MAGI2: variants seen among roughly 807,000 people sequenced by gnomAD.
MAGI2 encodes membrane associated guanylate kinase, WW and PDZ domain containing 2.
MAGI2 carries 35 observed loss-of-function variants against 133.3 expected under a neutral mutation model. The observed-to-expected ratio is 0.26, with a 90% CI of 0.20 to 0.35. MAGI2 has a LOEUF of 0.35. Ranked by LOEUF, MAGI2 falls within the 10% of genes least tolerant of loss-of-function variation. MAGI2 has a pLI of 1.00. For missense variants in MAGI2, 1,636 were observed against 1,863.4 expected, an observed-to-expected ratio of 0.88 and a Z score of 2.25; for synonymous variants, 729 against 710.6, an observed-to-expected ratio of 1.03 and a Z score of -0.41.
At chr7:78,393,225 C>G (rs1796057904) in intron 6 of MAGI2, among the ~76,000 whole-genome samples, 1 of 152,166 alleles carries the variant, frequency 6.6e-6, no homozygotes, top group Non-Finnish European at 1.5e-5. Flanking sequence ...TACTTGACTT[C>G]TCTGGAAACA....
intron 14 of MAGI2, among the ~76,000 whole-genome samples, chr7:78,176,372 G>A (rs1826605592): frequency 6.6e-6 from 1 of 152,084 alleles, no homozygotes; most frequent in Non-Finnish European, 1.5e-5. Flanking sequence ...TTCATCCCCA[G>A]GAATTCGGAA....
At chr7:79,415,515 A>G (rs973497803) in intron 1 of MAGI2, 1 of 152,270 alleles carries the variant, frequency 6.6e-6, no homozygotes, top group African/African-American at 2.4e-5. Context: ...CCTTAGAATG[A>G]TAAGAAAGTC....
chr7:79,256,284 C>G (rs1195479351), intron 1 of MAGI2, among the ~76,000 whole-genome samples: 1 of 152,058 alleles, frequency 6.6e-6, no homozygotes, highest in Non-Finnish European at 1.5e-5. Flanking sequence ...CAAATTGTTA[C>G]TTTTAGAAAC....
intron 2 of MAGI2, among the ~76,000 whole-genome samples, chr7:78,761,787 G>A (rs1242371480): frequency 6.6e-6 from 1 of 151,952 alleles, no homozygotes; most frequent in Admixed American, 6.6e-5. Flanking sequence ...GTAGGTTGAG[G>A]CCCGAAATTC....
intron 21 of MAGI2, among the ~76,000 whole-genome samples, chr7:78,041,042 C>A (rs1218661571): frequency 6.6e-6 from 1 of 152,150 alleles, no homozygotes; most frequent in Non-Finnish European, 1.5e-5. Context: ...CTAACTCAGG[C>A]TCCTTTAGTA....
rs547202107 is a variant in MAGI2, at chr7:78,271,144, C to T, written c.1409-14563G>A. Among the ~76,000 whole-genome samples, 4 of 152,202 alleles carry T rather than the reference C, an allele frequency of 2.6e-5. No individual in the cohort carries two copies. The East Asian group carries it at 7.7e-4, about 29-fold the overall frequency. ...CTTATTATTTTGAGATATGTTCCAT[C>T]AATACCTAGTTTATTGAGAGTTTTT... On this transcript the variant is annotated intron_variant, in intron 9 of 21. Transcript: ENST00000354212.
chr7:79,079,543 G>C (rs1311005577), intron 1 of MAGI2, among the ~76,000 whole-genome samples: 1 of 152,032 alleles, frequency 6.6e-6, no homozygotes, highest in Non-Finnish European at 1.5e-5. Flanking sequence ...GTGCTTTCAG[G>C]CTCTAATAGA....
chr7:79,102,396 A>C (rs1449985739), intron 1 of MAGI2, among the ~76,000 whole-genome samples: 1 of 152,202 alleles, frequency 6.6e-6, no homozygotes, highest in South Asian at 2.1e-4. Context: ...AGCAAATTCT[A>C]GATCTTTTAT....
At chr7:78,474,853 T>C (rs7794954) in intron 6 of MAGI2, among the ~76,000 whole-genome samples, 44,540 of 151,464 alleles carry the variant, frequency 0.29, 7,586 homozygotes, top group African/African-American at 0.47. Flanking sequence ...AAACGTGCTC[T>C]CACAAACATA....
chr7:79,177,760 G>C lies in MAGI2; in HGVS notation c.302-170554C>G, dbSNP rs932587938. 7.9e-5 allele frequency among the ~76,000 whole-genome samples: 12 copies of C among 152,162 alleles called. No homozygotes were observed. In the East Asian group the frequency reaches 2.3e-3, roughly 29 times the overall value. On this transcript the variant is annotated intron_variant, in intron 1 of 21. Transcript: ENST00000354212. ...TCTTCCCAAATATTATAAGGTGTCT[G>C]ATTTTGTAGAGCCTACAATTTTGTT...
At chr7:78,329,506 C>T (rs798313) in intron 9 of MAGI2, among the ~76,000 whole-genome samples, 110,883 of 152,156 alleles carry the variant, frequency 0.73, 40,602 homozygotes, top group East Asian at 0.81. Flanking sequence ...AACTTTTCAC[C>T]GAGCACTTGC....
intron 3 of MAGI2, among the ~76,000 whole-genome samples, chr7:78,557,597 T>C (rs17151015): frequency 0.017 from 2,586 of 152,200 alleles, 39 homozygotes; most frequent in African/African-American, 0.049. Flanking sequence ...CCTGACCCAC[T>C]ACTATGAAAC....
chr7:79,270,445 AT>A (rs1267797161), intron 1 of MAGI2, among the ~76,000 whole-genome samples: 1 of 152,148 alleles, frequency 6.6e-6, no homozygotes. Flanking sequence ...GAATGGTACT[AT>A]TGGCTAAGAT....
chr7:78,895,897 T>C (rs1797177217), intron 2 of MAGI2, among the ~76,000 whole-genome samples: 1 of 152,200 alleles, frequency 6.6e-6, no homozygotes, highest in East Asian at 1.9e-4. Flanking sequence ...TTCTAAAATA[T>C]ATACGCATGA....
At chr7:79,130,648 T>C (rs1028448019) in intron 1 of MAGI2, among the ~76,000 whole-genome samples, 17 of 152,332 alleles carry the variant, frequency 1.1e-4, no homozygotes, top group South Asian at 8.3e-4. Flanking sequence ...CCCTACATCA[T>C]TGAATTGTGG....
chr7:78,582,858 C>A (rs991878668), intron 3 of MAGI2, among the ~76,000 whole-genome samples: 2 of 152,148 alleles, frequency 1.3e-5, no homozygotes, highest in Non-Finnish European at 2.9e-5. Flanking sequence ...TTTAGAAAGA[C>A]CTATGTTTCC....
intron 3 of MAGI2, among the ~76,000 whole-genome samples, chr7:78,603,770 C>T (rs1241855446): frequency 1.3e-5 from 2 of 152,140 alleles, no homozygotes; most frequent in Non-Finnish European, 2.9e-5. Context: ...ATTTATCCGC[C>T]TCAGCCTCCC....
intron 1 of MAGI2, among the ~76,000 whole-genome samples, chr7:79,016,251 G>A (rs1808714179): frequency 6.6e-6 from 1 of 152,048 alleles, no homozygotes; most frequent in African/African-American, 2.4e-5. Context: ...GGAAACTTAA[G>A]GCCTAAGAAA....
chr7:78,282,250 C>G (rs1198022745), intron 9 of MAGI2, among the ~76,000 whole-genome samples: 3 of 152,044 alleles, frequency 2.0e-5, no homozygotes, highest in Non-Finnish European at 4.4e-5. Context: ...TTTCCCTGTC[C>G]TGGTTCTTCT....
Sources: gnomAD v4.1 joint callset for allele counts (sites outside exome capture counted in the v4.1 genomes callset) on GRCh38, gnomAD v4.1.1 for gene constraint, MANE v1.5 for transcripts, NCBI Gene and HGNC (gene_info 2026-07-23, HGNC 2026-07-21) for gene names.